Variants in SYNDIG1L observed in about 807,000 individuals in gnomAD.
SYNDIG1L encodes the protein synapse differentiation inducing 1 like.
SYNDIG1L carries 13 observed loss-of-function variants against 20.1 expected under a neutral mutation model. The observed-to-expected ratio is 0.65, with a 90% CI of 0.42 to 1.03. The LOEUF (loss-of-function observed/expected upper bound fraction) is 1.03. Ranked by LOEUF, SYNDIG1L falls within the 50% of genes least tolerant of loss-of-function variation. The probability of loss-of-function intolerance (pLI) is 0.00; values close to 1 mark genes in which losing one functional copy is unlikely to be tolerated. For missense variants in SYNDIG1L, 294 were observed against 305.1 expected, an observed-to-expected ratio of 0.96 and a Z score of 0.27; for synonymous variants, 128 against 129.3, an observed-to-expected ratio of 0.99 and a Z score of 0.07.
chr14:74,408,339 G>A (rs1424160903), intron 2 of SYNDIG1L, among the ~76,000 whole-genome samples: 2 of 152,106 alleles, frequency 1.3e-5, no homozygotes, highest in African/African-American at 4.8e-5. Context: ...CGAGGCGGGT[G>A]GATCACCTGA....
chr14:74,439,897 T>A, the SYNDIG1L span, among the ~76,000 whole-genome samples: 5 of 145,454 alleles, frequency 3.4e-5, no homozygotes, highest in South Asian at 2.2e-4. Flanking sequence ...AAAAAAAAAA[T>A]TATACAAGTA....
chr14:74,408,520 C>A (rs923864820), intron 2 of SYNDIG1L, among the ~76,000 whole-genome samples: 1 of 148,948 alleles, frequency 6.7e-6, no homozygotes, highest in Non-Finnish European at 1.5e-5. Context: ...GCTGAGATCG[C>A]ACCTTTGCAC....
upstream of SYNDIG1L, among the ~76,000 whole-genome samples, chr14:74,430,760 A>T (rs1199470764): frequency 6.8e-6 from 1 of 147,446 alleles, no homozygotes; most frequent in Non-Finnish European, 1.5e-5. Flanking sequence ...TTGCTTGCAC[A>T]CTACAATTTT....
the SYNDIG1L span, among the ~76,000 whole-genome samples, chr14:74,453,352 C>CAA: frequency 3.1e-3 from 82 of 26,784 alleles, 10 homozygotes; most frequent in Admixed American, 5.9e-3. Context: ...GACTCTGTCT[C>CAA]AAAAAAAAAA....
the SYNDIG1L span, among the ~76,000 whole-genome samples, chr14:74,469,263 C>T: frequency 6.6e-6 from 1 of 151,422 alleles, no homozygotes; most frequent in Non-Finnish European, 1.5e-5. Flanking sequence ...TTCTGAGCAT[C>T]GCAAGGACAG....
At chr14:74,416,650 CA>C (rs1595196770) in intron 1 of SYNDIG1L, among the ~76,000 whole-genome samples, 3 of 120,852 alleles carry the variant, frequency 2.5e-5, no homozygotes, top group Admixed American at 2.4e-4. Context: ...AAAAACAAAC[CA>C]AACAAACAAA....
chr14:74,442,473 G>C, the SYNDIG1L span, among the ~76,000 whole-genome samples: 1 of 152,306 alleles, frequency 6.6e-6, no homozygotes, highest in East Asian at 1.9e-4. Flanking sequence ...AAGAAAGAAG[G>C]CCAGTGAGGT....
chr14:74,438,360 T>C, the SYNDIG1L span, among the ~76,000 whole-genome samples: 1 of 152,216 alleles, frequency 6.6e-6, no homozygotes, highest in Non-Finnish European at 1.5e-5. Context: ...CAACTCCACC[T>C]TAGGTAAACT....
the SYNDIG1L span, among the ~76,000 whole-genome samples, chr14:74,465,861 G>T: frequency 1.3e-5 from 2 of 152,196 alleles, no homozygotes; most frequent in African/African-American, 4.8e-5. Context: ...GGTCAGCAGA[G>T]CAGTGGGTAC....
the SYNDIG1L span, among the ~76,000 whole-genome samples, chr14:74,448,665 A>C: frequency 5.3e-5 from 8 of 152,222 alleles, no homozygotes; most frequent in Admixed American, 2.6e-4. Context: ...AAAAGGATTC[A>C]AGTCATATAA....
At chr14:74,450,738 T>G in the SYNDIG1L span, among the ~76,000 whole-genome samples, 1 of 152,126 alleles carries the variant, frequency 6.6e-6, no homozygotes, top group Non-Finnish European at 1.5e-5. Flanking sequence ...AGATCATATA[T>G]CTGATAAAGT....
chr14:74,462,915 T>C, the SYNDIG1L span, among the ~76,000 whole-genome samples: 1 of 152,292 alleles, frequency 6.6e-6, no homozygotes, highest in Admixed American at 6.5e-5. Context: ...GTCTTGGAAG[T>C]GACAGTCCAT....
the SYNDIG1L span, among the ~76,000 whole-genome samples, chr14:74,431,554 T>G: frequency 2.6e-5 from 4 of 152,144 alleles, no homozygotes; most frequent in Non-Finnish European, 5.9e-5. Context: ...TAAAGGCTCA[T>G]GGAAGTTAAA....
chr14:74,447,234 T>C, the SYNDIG1L span, among the ~76,000 whole-genome samples: 2 of 152,084 alleles, frequency 1.3e-5, no homozygotes, highest in East Asian at 3.8e-4. Context: ...CTCTGCATAA[T>C]GAAAAAAGTT....
the SYNDIG1L span, among the ~76,000 whole-genome samples, chr14:74,462,555 G>A: frequency 6.6e-6 from 1 of 151,190 alleles, no homozygotes; most frequent in African/African-American, 2.4e-5. Flanking sequence ...GCCCGGGCTG[G>A]AGTGCAATGG....
the SYNDIG1L span, among the ~76,000 whole-genome samples, chr14:74,473,801 T>A: frequency 5.5e-4 from 84 of 152,326 alleles, no homozygotes; most frequent in Admixed American, 4.4e-3. Flanking sequence ...TCCACCAGAC[T>A]TCATGATGAT....
chr14:74,412,362 G>GTCC (rs2086138413), intron 1 of SYNDIG1L, among the ~76,000 whole-genome samples: 1 of 152,184 alleles, frequency 6.6e-6, no homozygotes, highest in Admixed American at 6.5e-5. Context: ...TTGAGGGCAT[G>GTCC]TGAGCTCTGT....
chr14:74,440,954 T>C, the SYNDIG1L span, among the ~76,000 whole-genome samples: 1 of 152,088 alleles, frequency 6.6e-6, no homozygotes. Flanking sequence ...TAAATCTCAA[T>C]GTCTCTGAAC....
In SYNDIG1L at chr14:74,406,238, C is replaced by G. The variant is rs1025588305; in HGVS notation, c.*1297G>C. 2.5e-6 allele frequency: 1 copy of G among 396,858 alleles called. No individual in the cohort carries two copies. The highest frequency in any genetic ancestry group is 4.4e-6 in the Non-Finnish European group (1 of 225,592). The allele number at this position is 396,858 out of a possible 1,614,324, so 24.6% of individuals were successfully genotyped here. ...CTGAGCAGAGATATCAGTGAAGATG[C>G]CCCAGGGGTAACCAGGTACCCACCA... On this transcript the variant is annotated 3_prime_UTR_variant, in exon 4 of 4. Coordinates refer to ENST00000331628, the MANE Select transcript of SYNDIG1L (RefSeq NM_001105579.2).
Sources: gnomAD v4.1 joint callset for allele counts (sites outside exome capture counted in the v4.1 genomes callset) on GRCh38, gnomAD v4.1.1 for gene constraint, MANE v1.5 for transcripts, NCBI Gene and HGNC (gene_info 2026-07-23, HGNC 2026-07-21) for gene names.